ETV4: variants seen among roughly 807,000 people sequenced by gnomAD.
ETV4 encodes ETS variant transcription factor 4.
ETV4 carries 42 observed loss-of-function variants against 65.9 expected under a neutral mutation model. The ratio of observed to expected loss-of-function variants is 0.64; its 90% CI spans 0.50 to 0.82. The LOEUF (loss-of-function observed/expected upper bound fraction) is 0.82, where lower values mean the gene tolerates loss of function less well. Ranked by LOEUF, ETV4 falls within the 40% of genes least tolerant of loss-of-function variation. ETV4 has a pLI of 0.00. For synonymous variants in ETV4, 238 were observed against 260.0 expected, an observed-to-expected ratio of 0.92 and a Z score of 0.81; for missense variants, 583 against 630.3, an observed-to-expected ratio of 0.92 and a Z score of 0.80.
chr17:43,544,911 C>A, intron 4 of ETV4, 64 bp downstream of exon 4: 2 of 1,473,236 alleles, frequency 1.4e-6, no homozygotes, highest in South Asian at 1.1e-5. Context: ...GGTGGAATAC[C>A]AGGGGCTACG....
rs888736657 is a variant in ETV4 at position 43,543,296 on chromosome 17, T to TCTCTCTCTCTCTCTCTCTCACA, written c.202+1678_202+1679insTGTGAGAGAGAGAGAGAGAGAG. Among the ~76,000 whole-genome samples the TCTCTCTCTCTCTCTCTCTCACA allele has an allele frequency of 4.4e-4, 63 of 143,456 alleles. No homozygotes were observed. In the Middle Eastern group the frequency reaches 0.022, roughly 49 times the overall value. 94.1% of individuals were successfully genotyped at this position (143,456 alleles called of 152,430 possible). A position where few individuals can be genotyped will look rare whatever the true frequency, so the allele number is the denominator to read the frequency against. On this transcript the variant is annotated intron_variant, in intron 4 of 12. Transcript: ENST00000319349. ...CACACACTCTCTCTCTCTCTCTCTC[T>TCTCTCTCTCTCTCTCTCTCACA]CACACACACACTTGCTGTCACACCG...
intron 4 of ETV4, among the ~76,000 whole-genome samples, chr17:43,538,624 G>GTGGT (rs1217134931): frequency 6.6e-6 from 1 of 152,210 alleles, no homozygotes; most frequent in Non-Finnish European, 1.5e-5. Context: ...GGCTTCTCAG[G>GTGGT]TGGTTATACA....
intron 4 of ETV4, among the ~76,000 whole-genome samples, chr17:43,543,344 G>A (rs1258527208): frequency 6.7e-6 from 1 of 149,986 alleles, no homozygotes; most frequent in African/African-American, 2.5e-5. Context: ...ACAGACATTT[G>A]TACCCTCTCC....
At chr17:43,529,273 T>A (rs773299862) in intron 11 of ETV4, 37 bp from the exon 12 acceptor site, 5 of 1,598,104 alleles carry the variant, frequency 3.1e-6, no homozygotes, top group Non-Finnish European at 4.3e-6. Flanking sequence ...AGATGCTACC[T>A]TGGCAGAGGA....
Position 43,528,633 on chromosome 17 carries a change from A to C in ETV4, c.1341T>G (p.Pro447=). Residue 447 remains proline, a synonymous_variant, in exon 13 of 13, where the codon CCT becomes CCG. Transcript: ENST00000319349. ...RPALKAEFDR[P]VSEEDTVPLS... is the part of the protein sequence containing the mutation. ...AAGGGACTGTGTCCTCCTCACTGAC[A>C]GGCCGGTCAAACTCAGCCTTGAGAG... is the stretch of plus-strand genomic sequence containing the variant. The C allele has an allele frequency of 3.1e-6, 5 of 1,614,184 alleles. No individual in the cohort carries two copies. Among genetic ancestry groups the C allele is most frequent in the Non-Finnish European group, 4.2e-6 (5 of 1,180,008 alleles).
chr17:43,533,187 C>G lies in ETV4; in HGVS notation c.545G>C (p.Ser182Thr). 2 of 1,613,420 alleles carry G rather than the reference C, an allele frequency of 1.2e-6. No individual in the cohort carries two copies. Among genetic ancestry groups the G allele is most frequent in the Non-Finnish European group, 1.7e-6 (2 of 1,179,794 alleles). The change falls in exon 7 of 13, where the codon AGC becomes ACC. Residue 182 changes from serine to threonine, a missense_variant and splice_region_variant. Transcript: ENST00000319349. ...GCAGTGGGTTTCCCTGTCTCCTTAC[C>G]TATGTTCCCCGAGGTACCCATGGCC... ...HPGHGYLGEHSSVFQQPLDIC... is the reference protein window; with the variant it reads ...HPGHGYLGEHTSVFQQPLDIC...
At chr17:43,544,864 T>A (rs1467231041) in intron 4 of ETV4, 111 bp downstream of exon 4, 1 of 1,041,870 alleles carries the variant, frequency 9.6e-7, no homozygotes, top group Non-Finnish European at 1.5e-6. Flanking sequence ...GAGAACTCCT[T>A]GAGGCAGGGA....
At chr17:43,541,545 A>C (rs1971523346) in intron 4 of ETV4, among the ~76,000 whole-genome samples, 1 of 152,136 alleles carries the variant, frequency 6.6e-6, no homozygotes, top group Admixed American at 6.6e-5. Flanking sequence ...GGTTAGTAAA[A>C]AAAGAGGAGG....
At chr17:43,545,830 C>G (rs1971795285) in intron 1 of ETV4, 162 bp from the exon 2 acceptor site, 2 of 603,828 alleles carry the variant, frequency 3.3e-6, no homozygotes, top group Non-Finnish European at 2.9e-6. Flanking sequence ...ACCACCACTC[C>G]CCTCCCGCCA....
intron 4 of ETV4, among the ~76,000 whole-genome samples, chr17:43,538,050 A>T (rs998526799): frequency 6.6e-6 from 1 of 151,504 alleles, no homozygotes; most frequent in African/African-American, 2.4e-5. Context: ...CTGAGGCAAG[A>T]GAATGGCGTG....
intron 2 of ETV4, 42 bp from the exon 3 acceptor site, chr17:43,545,409 G>C: frequency 1.1e-5 from 16 of 1,509,584 alleles, no homozygotes; most frequent in Non-Finnish European, 1.4e-5. Context: ...ACCCTGAGGC[G>C]CTTAGTCTGG....
chr17:43,533,806 C>G, intron 6 of ETV4, 53 bp downstream of exon 6: 2 of 1,592,842 alleles, frequency 1.3e-6, no homozygotes, highest in Non-Finnish European at 1.7e-6. Context: ...CCCCCTGCCT[C>G]CCTCCTCTGG....
At position 43,545,316 on chromosome 17, in the gene ETV4, TC is replaced by T; in HGVS notation, c.111del (p.Lys38SerfsTer20). The T allele has an allele frequency of 6.2e-7, 1 of 1,608,640 alleles. No individual in the cohort carries two copies. The highest frequency in any genetic ancestry group is 8.5e-7 in the Non-Finnish European group (1 of 1,177,558). ...SLREALIGPL[G>X]KLMDPGSLPP... is the part of the protein sequence containing the mutation. ...GGCAGGGAGCCCGGGTCCATGAGCT[TC>T]CCCAGCGGGCCGATCAGCGCTTCGC... is the stretch of plus-strand genomic sequence containing the variant. On this transcript the variant is annotated frameshift_variant, in exon 3 of 13. Coordinates refer to ENST00000319349, the MANE Select transcript of ETV4 (RefSeq NM_001079675.5). LOFTEE classifies it high-confidence loss of function.
intron 8 of ETV4, 100 bp from the exon 9 acceptor site, chr17:43,530,281 A>G: frequency 6.6e-7 from 1 of 1,523,822 alleles, no homozygotes; most frequent in South Asian, 1.3e-5. Flanking sequence ...TCTTCCTTCC[A>G]GCCTGCTTCC....
Position 43,533,883 on chromosome 17 carries a change from T to A in ETV4, c.359A>T (p.His120Leu). ...CCTGGAGTAAAGGCACTGCTCGCCA[T>A]GGTGGTAGGGGAGTGGCGGCTTCCT... Reference protein sequence around the residue: ...CSRKPPLPYHHGEQCLYSSAY... With the variant: ...CSRKPPLPYHLGEQCLYSSAY... The change falls in exon 6 of 13, where the codon CAT becomes CTT. Residue 120 changes from histidine (H) to leucine (L), a missense_variant. Coordinates refer to ENST00000319349, the MANE Select transcript of ETV4 (RefSeq NM_001079675.5). The A allele has an allele frequency of 6.2e-7, 1 of 1,604,870 alleles. No individual in the cohort carries two copies. Among genetic ancestry groups the A allele is most frequent in the East Asian group, 2.3e-5 (1 of 43,862 alleles).
intron 5 of ETV4, among the ~76,000 whole-genome samples, chr17:43,536,125 C>T (rs989498898): frequency 2.6e-5 from 4 of 152,036 alleles, no homozygotes; most frequent in Non-Finnish European, 4.4e-5. Flanking sequence ...GGAAAACAAA[C>T]AAACAAACAA....
intron 5 of ETV4, 99 bp downstream of exon 5, chr17:43,536,327 T>G: frequency 9.2e-7 from 1 of 1,083,794 alleles, no homozygotes; most frequent in Non-Finnish European, 1.4e-6. Context: ...CACTGTGTTT[T>G]AGGAGAGAAC....
At chr17:43,533,763 T>C in intron 6 of ETV4, 96 bp downstream of exon 6, 1 of 1,476,858 alleles carries the variant, frequency 6.8e-7, no homozygotes, top group Non-Finnish European at 9.1e-7. Flanking sequence ...GTTGTCTAAC[T>C]TGCATCTCAG....
At chr17:43,537,562 G>A (rs1035862989) in intron 4 of ETV4, among the ~76,000 whole-genome samples, 11 of 151,156 alleles carry the variant, frequency 7.3e-5, no homozygotes, top group African/African-American at 1.5e-4. Flanking sequence ...CAGGCGTGGC[G>A]GTGGGCACCT....
Sources: allele counts gnomAD v4.1 joint callset (sites outside exome capture counted in the v4.1 genomes callset), GRCh38; gene constraint gnomAD v4.1.1; transcripts MANE v1.5; gene names NCBI Gene and HGNC (gene_info 2026-07-23, HGNC 2026-07-21).